Variants in SMC5 observed in about 807,000 individuals in gnomAD.
The protein encoded by SMC5 is structural maintenance of chromosomes protein 5.
In SMC5, 88 loss-of-function variants were observed where a neutral mutation model predicts 148.3. The observed-to-expected ratio is 0.59, with a 90% confidence interval of 0.50 to 0.71. The LOEUF is 0.71. SMC5 is among the 30% of genes least tolerant of loss of function. The pLI is 0.00. For synonymous variants in SMC5, 421 were observed against 432.8 expected (o/e 0.97, Z 0.34); for missense variants, 1,142 against 1,298.9 (o/e 0.88, Z 1.86).
At position 70,277,369 on chromosome 9, in the gene SMC5, C is replaced by T; in HGVS notation, c.440C>T (p.Ser147Phe). ...TREIDVAKNQ[S>F]FWFINKKSTT... Reference sequence around the variant, plus strand: ...GAGATTGATGTGGCAAAAAATCAGTCCTTTTGGTTCATCAACAAAAAATCT... The same window carrying T: ...GAGATTGATGTGGCAAAAAATCAGTTCTTTTGGTTCATCAACAAAAAATCT... The change falls in exon 4 of 25, where the codon TCC (serine) becomes TTC (phenylalanine). Residue 147 changes from serine to phenylalanine, a missense_variant. Ser to Phe is a radical substitution (Grantham distance 155). Around this residue, in one of 5 missense-constraint regions of SMC5, gnomAD observed 297 missense variants for 302.6 expected, o/e 0.98. Coordinates refer to ENST00000361138, the MANE Select transcript of SMC5 (RefSeq NM_015110.4). 6.2e-7 allele frequency: 1 copy of T among 1,603,994 alleles called. No individual in the cohort carries two copies.
chr9:70,297,127 G>A (rs1402407384), intron 8 of SMC5, among the ~76,000 whole-genome samples: 1 of 152,036 alleles, frequency 6.6e-6, no homozygotes, highest in Non-Finnish European at 1.5e-5. Context: ...TACATAATGA[G>A]GTATCTTGAG....
chr9:70,333,905 A>G (rs1407631709), intron 17 of SMC5, among the ~76,000 whole-genome samples: 1 of 152,154 alleles, frequency 6.6e-6, no homozygotes, highest in Non-Finnish European at 1.5e-5. Flanking sequence ...AAATTCAATA[A>G]AATTCCCAGC....
At chr9:70,270,766 C>G (rs1483263045) in intron 3 of SMC5, among the ~76,000 whole-genome samples, 1 of 150,992 alleles carries the variant, frequency 6.6e-6, no homozygotes, top group African/African-American at 2.4e-5. Context: ...TCCACCTCAG[C>G]CTTCCAAGTA....
chr9:70,321,901 T>TTTG (rs57491789), intron 15 of SMC5, among the ~76,000 whole-genome samples: 1 of 152,018 alleles, frequency 6.6e-6, no homozygotes, highest in African/African-American at 2.4e-5. Flanking sequence ...CCCACAGCTT[T>TTTG]TTGTTGTTGT....
At position 70,318,595 on chromosome 9, in the gene SMC5, G is replaced by A; in HGVS notation, c.1888G>A (p.Val630Ile). 1.9e-6 allele frequency: 3 copies of A among 1,612,770 alleles called. No individual in the cohort carries two copies. Among genetic ancestry groups the A allele is most frequent in the Non-Finnish European group, 2.5e-6 (3 of 1,179,282 alleles). ...VVKTSFYSNK[V>I]ISSNTSLKVA... The stretch of plus-strand genomic sequence containing the variant: ...GAAAACTTCTTTTTATTCAAACAAA[G>A]TTATTTCTAGTAACACATCTCTAAA... Residue 630 changes from valine (V) to isoleucine (I), a missense_variant, in exon 14 of 25, where the codon GTT becomes ATT. Around this residue, in one of 5 missense-constraint regions of SMC5, gnomAD observed 743 missense variants for 835.7 expected, o/e 0.89. Transcript: ENST00000361138.
intron 17 of SMC5, among the ~76,000 whole-genome samples, chr9:70,340,498 G>A (rs1324906879): frequency 6.6e-6 from 1 of 151,824 alleles, no homozygotes; most frequent in Non-Finnish European, 1.5e-5. Flanking sequence ...TTTTAAGTGT[G>A]TATTCTGTCT....
intron 11 of SMC5, chr9:70,311,106 C>A (rs985904329): frequency 9.9e-5 from 15 of 152,196 alleles, no homozygotes; most frequent in African/African-American, 3.6e-4. Context: ...CCTTCAAGAA[C>A]TCTTCCTTTG....
intron 8 of SMC5, among the ~76,000 whole-genome samples, chr9:70,290,449 A>G (rs2035027618): frequency 6.6e-6 from 1 of 152,206 alleles, no homozygotes; most frequent in Non-Finnish European, 1.5e-5. Flanking sequence ...ATTCTGTGCC[A>G]AGAACCTAGG....
chr9:70,294,848 A>C (rs765121685), intron 8 of SMC5, among the ~76,000 whole-genome samples: 1 of 152,182 alleles, frequency 6.6e-6, no homozygotes, highest in Non-Finnish European at 1.5e-5. Context: ...TTTAAGTCAC[A>C]TGATGACAGA....
At chr9:70,262,438 A>G (rs2034164184) in intron 1 of SMC5, among the ~76,000 whole-genome samples, 1 of 152,140 alleles carries the variant, frequency 6.6e-6, no homozygotes, top group Middle Eastern at 3.2e-3. Context: ...GATTGATTGG[A>G]TGATGGAGTG....
chr9:70,280,904 G>A lies in SMC5; in HGVS notation c.819+5G>A. 2.5e-6 allele frequency: 4 copies of A among 1,613,444 alleles called. No homozygotes were observed. The highest frequency in any genetic ancestry group is 3.4e-6 in the Non-Finnish European group (4 of 1,179,866). ...GAAGCAAAAAGGCCATGGGTGGTAA[G>A]TCATAATTTTTAGAGGCAAAGTACG... On this transcript the variant is annotated splice_donor_5th_base_variant and intron_variant, in intron 6 of 24. Coordinates refer to ENST00000361138, the MANE Select transcript of SMC5 (RefSeq NM_015110.4).
chr9:70,289,875 ATATTAT>A (rs61565465), intron 8 of SMC5, among the ~76,000 whole-genome samples: 32 of 149,562 alleles, frequency 2.1e-4, no homozygotes, highest in Non-Finnish European at 3.7e-4. Flanking sequence ...GTTATTTAAA[ATATTAT>A]TATTATTATT....
At position 70,354,746 on chromosome 9, in the gene SMC5, C is replaced by CT. The variant is rs1276409879; in HGVS notation, c.*2418dup. The CT allele has an allele frequency of 3.3e-5, 5 of 152,080 alleles. No individual in the cohort carries two copies. The highest frequency in any genetic ancestry group is 1.2e-4 in the African/African-American group (5 of 41,424). The allele number at this position is 152,080 out of a possible 1,614,324, so 9.4% of individuals were successfully genotyped here. A position where few individuals can be genotyped will look rare whatever the true frequency, so the allele number is the denominator to read the frequency against. On this transcript the variant is annotated 3_prime_UTR_variant, in exon 25 of 25. Transcript: ENST00000361138. ...TGTCTTTTGGACACATGCCTATTTT[C>CT]TTTGAGGTATAAACCTTTAGATGTG...
intron 11 of SMC5, among the ~76,000 whole-genome samples, chr9:70,306,881 C>T (rs2035515020): frequency 6.6e-6 from 1 of 152,142 alleles, no homozygotes; most frequent in Non-Finnish European, 1.5e-5. Flanking sequence ...ATAACCTTCT[C>T]CTGTAATTGT....
intron 11 of SMC5, among the ~76,000 whole-genome samples, chr9:70,306,098 A>G (rs1449031436): frequency 6.6e-6 from 1 of 152,248 alleles, no homozygotes; most frequent in Non-Finnish European, 1.5e-5. Context: ...AATATGTAGT[A>G]TAATGTATTA....
chr9:70,280,634 T>C (rs1195337979), intron 5 of SMC5, 125 bp from the exon 6 acceptor site: 1 of 843,282 alleles, frequency 1.2e-6, no homozygotes, highest in African/African-American at 1.7e-5. Context: ...GTCTACATAG[T>C]TCTTAAGAAC....
chr9:70,290,616 A>T (rs1466440069), intron 8 of SMC5, among the ~76,000 whole-genome samples: 2 of 151,652 alleles, frequency 1.3e-5, no homozygotes, highest in African/African-American at 4.9e-5. Context: ...GTAGATTCAG[A>T]GTACTATCTA....
At chr9:70,288,633 G>A (rs1222783359) in intron 8 of SMC5, among the ~76,000 whole-genome samples, 2 of 151,914 alleles carry the variant, frequency 1.3e-5, no homozygotes, top group East Asian at 1.9e-4. Flanking sequence ...TACATCTCAC[G>A]TGTGTTGATT....
At chr9:70,348,304 C>T (rs1030634840) in intron 22 of SMC5, among the ~76,000 whole-genome samples, 2 of 151,672 alleles carry the variant, frequency 1.3e-5, no homozygotes, top group Admixed American at 6.6e-5. Flanking sequence ...TGAATAAATA[C>T]GTTATAAAGC....
Sources: gnomAD v4.1 joint callset for allele counts (sites outside exome capture counted in the v4.1 genomes callset) on GRCh38, gnomAD v4.1.1 for gene constraint, gnomAD v4.1.1 regional missense constraint, MANE v1.5 for transcripts, NCBI Gene and HGNC (gene_info 2026-07-23, HGNC 2026-07-21) for gene names.